Variants in AOC1 observed in about 807,000 individuals in gnomAD.
AOC1 encodes the protein diamine oxidase [copper-containing].
A neutral mutation model predicts 57.1 loss-of-function variants in AOC1; 58 were observed. The ratio of observed to expected loss-of-function variants is 1.02; its 90% CI spans 0.82 to 1.26. The LOEUF (loss-of-function observed/expected upper bound fraction) is 1.26. AOC1 is among the 50% of genes most tolerant of loss of function. The pLI, the probability that AOC1 is intolerant of heterozygous loss-of-function variation, is 0.00. For synonymous variants in AOC1, 401 were observed against 423.4 expected (o/e 0.95, Z 0.65); for missense variants, 917 against 1,005.3 (o/e 0.91, Z 1.19).
chr7:150,858,121 C>T (rs1799852403), intron 2 of AOC1, 81 bp downstream of exon 2: 3 of 1,467,032 alleles, frequency 2.0e-6, no homozygotes, highest in Non-Finnish European at 2.7e-6. Context: ...GGCACTATAA[C>T]TCCCTGGTGG....
chr7:150,860,454 G>A (rs748429210), intron 3 of AOC1, 47 bp from the exon 4 acceptor site: 1 of 1,612,244 alleles, frequency 6.2e-7, no homozygotes, highest in Admixed American at 1.7e-5. Context: ...GACTGAGGGG[G>A]GCCAGCCCAG....
At chr7:150,859,177 T>C (rs1467500610) in intron 3 of AOC1, 129 bp downstream of exon 3, 4 of 1,105,866 alleles carry the variant, frequency 3.6e-6, no homozygotes, top group South Asian at 1.9e-5. Context: ...TATGTGTATA[T>C]CTGTGTGTAC....
Position 150,858,858 on chromosome 7 carries a change from C to A in AOC1, c.1666C>A (p.Gln556Lys), listed in dbSNP as rs1799874971. ...CCGCGTGGTCCAGCCAACTCTGGAG[C>A]AGACGCAGTACTCCTGGGAGCGCCA... ...RHRVVQPTLE[Q>K]TQYSWERQAA... The change falls in exon 3 of 5, where the codon CAG (glutamine) becomes AAG (lysine). Residue 556 changes from glutamine to lysine, a missense_variant. Physicochemically the swap from Gln to Lys is moderately conservative, Grantham distance 53 (BLOSUM62 1). Transcript: ENST00000360937. The A allele has an allele frequency of 4.3e-6, 7 of 1,614,014 alleles. No homozygotes were observed. The highest frequency in any genetic ancestry group is 1.3e-5 in the African/African-American group (1 of 75,042).
In AOC1 at chr7:150,856,379, T is replaced by C. The variant is rs1312107801; in HGVS notation, c.-16-76T>C. 2 of 1,484,538 alleles carry C rather than the reference T, an allele frequency of 1.3e-6. 1 individual carries two copies. The highest frequency in any genetic ancestry group is 1.8e-6 in the Non-Finnish European group (2 of 1,119,862). The allele number at this position is 1,484,538 out of a possible 1,614,324, so 92.0% of individuals were successfully genotyped here. A position where few individuals can be genotyped will look rare whatever the true frequency, so the allele number is the denominator to read the frequency against. On this transcript the variant is annotated intron_variant, in intron 1 of 4. Transcript: ENST00000360937. This position sits in a 1 kb window ranked among gnomAD's most constrained non-coding sequence, Gnocchi z 5.2. ...GGAGGAAGCTCAGTCCATGGGAAAATTCCATGGCCCTAACCTGAGGGAAGC... is the reference window on the plus strand; with the variant it reads ...GGAGGAAGCTCAGTCCATGGGAAAACTCCATGGCCCTAACCTGAGGGAAGC...
intron 1 of AOC1, among the ~76,000 whole-genome samples, chr7:150,854,491 T>C (rs1468088950): frequency 1.3e-5 from 2 of 152,104 alleles, no homozygotes; most frequent in Non-Finnish European, 2.9e-5. Context: ...AGTGGAGAAG[T>C]ATGTTAGTTG....
Position 150,861,147 on chromosome 7 carries a change from G to A in AOC1, c.2194G>A (p.Glu732Lys). The A allele has an allele frequency of 1.2e-6, 2 of 1,613,994 alleles. No homozygotes were observed. Among genetic ancestry groups the A allele is most frequent in the Non-Finnish European group, 1.7e-6 (2 of 1,179,894 alleles). ...GPNYVQRWIP[E>K]DRDCSMPPPF... ...CAACTACGTCCAGCGCTGGATCCCT[G>A]AGGACAGGGACTGCTCGATGCCTCC... is the stretch of plus-strand genomic sequence containing the variant. The change falls in exon 5 of 5, where the codon GAG becomes AAG. Residue 732 changes from glutamate (E) to lysine (K), a missense_variant. Coordinates refer to ENST00000360937, the MANE Select transcript of AOC1 (RefSeq NM_001091.4). This position sits in a 1 kb window ranked among gnomAD's most constrained non-coding sequence, Gnocchi z 4.5.
Position 150,857,958 on chromosome 7 carries a change from C to G in AOC1, c.1488C>G (p.Arg496=). The change falls in exon 2 of 5, where the codon CGC becomes CGG. Residue 496 remains arginine, a synonymous_variant. Transcript: ENST00000360937. This position sits in a 1 kb window ranked among gnomAD's most constrained non-coding sequence, Gnocchi z 6.6. ...CCTTCTACACCCCCGAGGGGCTGCG[C>G]CACGGCACTCGCCTGCACACCCACC... is the stretch of plus-strand genomic sequence containing the variant. ...HATFYTPEGL[R]HGTRLHTHLI... is the part of the protein sequence containing the mutation. 1 of 1,603,030 alleles carries G rather than the reference C, an allele frequency of 6.2e-7. No individual in the cohort carries two copies. Among genetic ancestry groups the G allele is most frequent in the Non-Finnish European group, 8.5e-7 (1 of 1,177,106 alleles).
chr7:150,860,432 T>C lies in AOC1; in HGVS notation c.1857-69T>C, dbSNP rs750167413. 1.2e-5 allele frequency: 19 copies of C among 1,600,282 alleles called. 1 individual carries two copies. Among genetic ancestry groups the C allele is most frequent in the South Asian group, 3.3e-5 (3 of 90,742 alleles). ...TTCCTCTATTCTGACCCTGAGGCTG[T>C]TCCCTGGGCAGGACTGAGGGGGGCC... On this transcript the variant is annotated intron_variant, in intron 3 of 4. Transcript: ENST00000360937.
At chr7:150,854,709 T>C (rs1367928043) in intron 1 of AOC1, among the ~76,000 whole-genome samples, 1 of 152,188 alleles carries the variant, frequency 6.6e-6, no homozygotes, top group African/African-American at 2.4e-5. Context: ...GATGTGTAAA[T>C]GCATTTTCCA....
intron 1 of AOC1, chr7:150,854,224 G>A (rs1390919514): frequency 6.6e-6 from 1 of 152,106 alleles, no homozygotes; most frequent in East Asian, 1.9e-4. Flanking sequence ...GCCAGCACCA[G>A]AGGGCAAGAC....
At position 150,857,475 on chromosome 7, in the gene AOC1, G is replaced by C. The variant is rs377335071; in HGVS notation, c.1005G>C (p.Gln335His). Residue 335 changes from glutamine to histidine, a missense_variant, in exon 2 of 5, where the codon CAG (glutamine) becomes CAC (histidine). By Grantham distance (24) the Gln-to-His change is conservative (BLOSUM62 0). Coordinates refer to ENST00000360937, the MANE Select transcript of AOC1 (RefSeq NM_001091.4). The surrounding 1 kb of genome is among the most constrained non-coding windows in gnomAD (Gnocchi z 6.6). ...GGCTGCGCTCCTCCTCCGGGCTGCA[G>C]GTCCTGAACGTGCACTTCGGCGGAG... is the stretch of plus-strand genomic sequence containing the variant. Reference protein sequence around the residue: ...AFRLRSSSGLQVLNVHFGGER... With the variant: ...AFRLRSSSGLHVLNVHFGGER... The C allele has an allele frequency of 6.2e-7, 1 of 1,613,072 alleles. No individual in the cohort carries two copies. Among genetic ancestry groups the C allele is most frequent in the Admixed American group, 1.7e-5 (1 of 60,022 alleles).
chr7:150,853,060 C>T (rs576834091), intron 1 of AOC1, among the ~76,000 whole-genome samples: 29 of 152,206 alleles, frequency 1.9e-4, no homozygotes, highest in African/African-American at 6.0e-4. Flanking sequence ...AAATACAGGA[C>T]GTTCTGGAAA....
In AOC1 at chr7:150,856,951, C is replaced by A. The variant is rs1178381352; in HGVS notation, c.481C>A (p.Pro161Thr). ...CCACACCCTGCAGGAAGCCACCAAG[C>A]CCCTGCATCAGTTCTTCCTCAATAC... ...LYHTLQEATK[P>T]LHQFFLNTTG... Residue 161 changes from proline (P) to threonine (T), a missense_variant, in exon 2 of 5, where the codon CCC becomes ACC. By Grantham distance (38) the Pro-to-Thr change is conservative (BLOSUM62 -1). Coordinates refer to ENST00000360937, the MANE Select transcript of AOC1 (RefSeq NM_001091.4). The surrounding 1 kb of genome is among the most constrained non-coding windows in gnomAD (Gnocchi z 5.2). The A allele has an allele frequency of 6.2e-7, 1 of 1,614,050 alleles. No homozygotes were observed. The highest frequency in any genetic ancestry group is 1.3e-5 in the African/African-American group (1 of 74,934).
chr7:150,857,038 C>A lies in AOC1; in HGVS notation c.568C>A (p.Arg190=). Residue 190 remains arginine (R), a synonymous_variant, in exon 2 of 5, where the codon CGG becomes AGG. Coordinates refer to ENST00000360937, the MANE Select transcript of AOC1 (RefSeq NM_001091.4). The surrounding 1 kb of genome is among the most constrained non-coding windows in gnomAD (Gnocchi z 6.6). Reference sequence around the variant, plus strand: ...CCTGGCCTTCACCGATGTGGCCCCCCGGGGTGTGGCTTCTGGCCAGCGCCG... The same window carrying A: ...CCTGGCCTTCACCGATGTGGCCCCCAGGGGTGTGGCTTCTGGCCAGCGCCG... ...RCLAFTDVAP[R]GVASGQRRSW... is the part of the protein sequence containing the mutation. The A allele has an allele frequency of 6.2e-7, 1 of 1,614,146 alleles. No homozygotes were observed. The highest frequency in any genetic ancestry group is 8.5e-7 in the Non-Finnish European group (1 of 1,180,000).
chr7:150,860,670 C>T (rs1276631771), intron 4 of AOC1, 37 bp downstream of exon 4: 1 of 1,602,162 alleles, frequency 6.2e-7, no homozygotes, highest in Admixed American at 1.7e-5. Context: ...GGTGCTGGCC[C>T]TGCCTCCTTC....
rs765176273 is a variant in AOC1, at chr7:150,857,828, G to A, written c.1358G>A (p.Arg453Gln). The A allele has an allele frequency of 1.5e-5, 25 of 1,614,010 alleles. No homozygotes were observed. Among genetic ancestry groups the A allele is most frequent in the Admixed American group, 3.3e-5 (2 of 60,002 alleles). Residue 453 changes from arginine (R) to glutamine (Q), a missense_variant, in exon 2 of 5, where the codon CGG (arginine) becomes CAG (glutamine). By Grantham distance (43) the Arg-to-Gln change is conservative. Transcript: ENST00000360937. This position sits in a 1 kb window ranked among gnomAD's most constrained non-coding sequence, Gnocchi z 6.6. ...CTGAAGGGCCAGGTGCTGGTGCTGC[G>A]GACAACTTCAACTGTCTACAATTAT... is the stretch of plus-strand genomic sequence containing the variant. ...AGLKGQVLVL[R>Q]TTSTVYNYDY...
At chr7:150,853,389 A>T (rs1799675443) in intron 1 of AOC1, among the ~76,000 whole-genome samples, 1 of 152,006 alleles carries the variant, frequency 6.6e-6, no homozygotes, top group South Asian at 2.1e-4. Context: ...CTTTCGCTCA[A>T]TTTTGCTATG....
In AOC1 at chr7:150,857,118, G is replaced by A; in HGVS notation, c.648G>A (p.Gly216=). ...AAGGCTACTTTCTGCACCCCACTGG[G>A]CTGGAGCTCCTCGTGGATCATGGGA... The part of the protein sequence containing the change: ...YVEGYFLHPT[G]LELLVDHGST... The change falls in exon 2 of 5, where the codon GGG becomes GGA. Residue 216 remains glycine (G), a synonymous_variant. Coordinates refer to ENST00000360937, the MANE Select transcript of AOC1 (RefSeq NM_001091.4). The surrounding 1 kb of genome is among the most constrained non-coding windows in gnomAD (Gnocchi z 6.6). 1 of 1,613,996 alleles carries A rather than the reference G, an allele frequency of 6.2e-7. No homozygotes were observed. Among genetic ancestry groups the A allele is most frequent in the Non-Finnish European group, 8.5e-7 (1 of 1,179,998 alleles).
rs771062485 is a variant in AOC1 at position 150,858,902 on chromosome 7, A to G, written c.1710A>G (p.Lys570=). The G allele has an allele frequency of 1.9e-6, 3 of 1,613,544 alleles. No homozygotes were observed. The highest frequency in any genetic ancestry group is 2.5e-6 in the Non-Finnish European group (3 of 1,179,692). The change falls in exon 3 of 5, where the codon AAA becomes AAG. Residue 570 remains lysine (K), a synonymous_variant. Transcript: ENST00000360937. ...SWERQAAFRF[K]RKLPKYLLFT... Reference sequence around the variant, plus strand: ...AGCGCCAGGCGGCCTTCCGCTTCAAAAGGAAGCTGCCTAAGTACCTGCTCT... The same window carrying G: ...AGCGCCAGGCGGCCTTCCGCTTCAAGAGGAAGCTGCCTAAGTACCTGCTCT...
Sources: allele counts gnomAD v4.1 joint callset (sites outside exome capture counted in the v4.1 genomes callset), GRCh38; gene constraint gnomAD v4.1.1; non-coding constraint Gnocchi (gnomAD v3.1); transcripts MANE v1.5; gene names NCBI Gene and HGNC (gene_info 2026-07-23, HGNC 2026-07-21).